Variants in LPCAT3 observed in about 807,000 individuals in gnomAD.
LPCAT3 encodes the protein lysophospholipid acyltransferase 5.
Under a neutral mutation model 63.4 loss-of-function variants are expected in LPCAT3, and 21 were observed. That is an observed-to-expected ratio of 0.33 (90% CI 0.23 to 0.48). LPCAT3 has a LOEUF of 0.48. Among genes scored for constraint, LPCAT3 ranks in the 20% least tolerant of loss-of-function variants. The pLI, the probability that LPCAT3 is intolerant of heterozygous loss-of-function variation, is 0.99. For missense variants in LPCAT3, 451 were observed against 590.6 expected (o/e 0.76, Z 2.45); for synonymous variants, 242 against 227.5 (o/e 1.06, Z -0.58).
At position 6,978,773 on chromosome 12, in the gene LPCAT3, C is replaced by G. The variant is rs1256032575; in HGVS notation, c.787-84G>C. The G allele has an allele frequency of 5.1e-6, 8 of 1,563,456 alleles. No individual in the cohort carries two copies. The African/African-American group carries it at 1.1e-4, about 21-fold the overall frequency. ...GCACTCTTCCTTTTCACACTTGTGGCTGGCTACTTCATACCTGCCTGAGTC... is the reference window on the plus strand; with the variant it reads ...GCACTCTTCCTTTTCACACTTGTGGGTGGCTACTTCATACCTGCCTGAGTC... On this transcript the variant is annotated intron_variant, in intron 7 of 12. Coordinates refer to ENST00000261407, the MANE Select transcript of LPCAT3 (RefSeq NM_005768.6).
intron 2 of LPCAT3, chr12:6,983,081 C>T (rs782100976): frequency 9.3e-6 from 5 of 537,452 alleles, no homozygotes; most frequent in South Asian, 8.3e-5. Context: ...TCCGGGCTAC[C>T]ACACCCAGCT....
chr12:6,978,947 C>T (rs782211224), intron 7 of LPCAT3: 9 of 458,024 alleles, frequency 2.0e-5, no homozygotes, highest in Middle Eastern at 5.7e-4. Flanking sequence ...TGTTTGCCTT[C>T]GTTGGCAAAG....
intron 1 of LPCAT3, among the ~76,000 whole-genome samples, chr12:7,000,764 T>C (rs1555156375): frequency 6.6e-6 from 1 of 151,612 alleles, no homozygotes. Context: ...TAGAGTGCAG[T>C]GGCGCGATCT....
intron 1 of LPCAT3, among the ~76,000 whole-genome samples, chr12:7,015,990 G>A (rs1234397643): frequency 6.6e-6 from 1 of 152,120 alleles, no homozygotes; most frequent in Non-Finnish European, 1.5e-5. Flanking sequence ...CCTAATTCCA[G>A]CCCTAACTCC....
At chr12:6,983,290 G>T in intron 2 of LPCAT3, 142 bp downstream of exon 2, 2 of 655,182 alleles carry the variant, frequency 3.1e-6, no homozygotes, top group Non-Finnish European at 5.5e-6. Flanking sequence ...GTTAAGCTGT[G>T]TTCCTCTTCA....
At chr12:7,014,143 T>C (rs1053335524) in intron 1 of LPCAT3, among the ~76,000 whole-genome samples, 1 of 152,248 alleles carries the variant, frequency 6.6e-6, no homozygotes, top group Admixed American at 6.5e-5. Context: ...CAAAGCTCTG[T>C]ACCTCTCTTA....
intron 1 of LPCAT3, among the ~76,000 whole-genome samples, chr12:6,990,188 A>G (rs1241942715): frequency 6.8e-6 from 1 of 146,794 alleles, no homozygotes; most frequent in Non-Finnish European, 1.5e-5. Flanking sequence ...ACCCTGTCTC[A>G]AAAATAAATA....
At chr12:7,005,897 C>T (rs1261786875) in intron 1 of LPCAT3, among the ~76,000 whole-genome samples, 4 of 152,118 alleles carry the variant, frequency 2.6e-5, no homozygotes, top group Non-Finnish European at 4.4e-5. Flanking sequence ...TCCTTTGGTG[C>T]ACAAAAGCTT....
chr12:6,981,138 AAC>A lies in LPCAT3; in HGVS notation c.541_542del (p.Val181SerfsTer37). 1 of 1,613,506 alleles carries A rather than the reference AAC, an allele frequency of 6.2e-7. No individual in the cohort carries two copies. Among genetic ancestry groups the A allele is most frequent in the Non-Finnish European group, 8.5e-7 (1 of 1,179,792 alleles). On this transcript the variant is annotated frameshift_variant, in exon 6 of 13. Transcript: ENST00000261407. LOFTEE classifies it high-confidence loss of function. ...SEQQKYAIRGVPSLLEVAGFS... is the reference protein window; with the variant it reads ...SEQQKYAIRGXPSLLEVAGFS... ...AACCAGCAACTTCCAGCAGGGAAGG[AAC>A]ACCACGTATGGCATATTTCTGTTGC...
intron 6 of LPCAT3, 163 bp from the exon 7 acceptor site, chr12:6,979,742 T>G (rs1555153835): frequency 1.6e-6 from 1 of 616,430 alleles, no homozygotes; most frequent in African/African-American, 1.8e-5. Flanking sequence ...AGGGAAAGAT[T>G]TCTATGGCTG....
intron 2 of LPCAT3, chr12:6,983,131 C>A: frequency 4.1e-6 from 2 of 491,104 alleles, no homozygotes; most frequent in Non-Finnish European, 7.5e-6. Context: ...AAGAATGAAT[C>A]TAAGTGGGGA....
Position 6,976,832 on chromosome 12 carries a change from G to A in LPCAT3, c.*72C>T, listed in dbSNP as rs1946409007. 2 of 242,922 alleles carry A rather than the reference G, an allele frequency of 8.2e-6. No individual in the cohort carries two copies. The highest frequency in any genetic ancestry group is 4.9e-5 in the Admixed American group (1 of 20,490). The allele number at this position is 242,922 out of a possible 1,614,324, so 15.0% of individuals were successfully genotyped here. ...TGGCTTTTCCATTCTCTGCTCTGGG[G>A]CAAAGGAGTGCTGTGAAAAGGGAGA... On this transcript the variant is annotated 3_prime_UTR_variant, in exon 13 of 13. Transcript: ENST00000261407.
Position 6,979,553 on chromosome 12 carries a change from C to T in LPCAT3, c.704G>A (p.Ser235Asn), listed in dbSNP as rs1555153795. Residue 235 changes from serine to asparagine, a missense_variant, in exon 7 of 13, where the codon AGT becomes AAT. Around this residue, in one of 3 missense-constraint regions of LPCAT3, gnomAD observed 304 missense variants for 390.8 expected, o/e 0.78. Coordinates refer to ENST00000261407, the MANE Select transcript of LPCAT3 (RefSeq NM_005768.6). ...GCCCACTAGGTAGAAAAGGCCCAGACTCAGGCGCTTGAGAGCAGGAATGAT... is the reference window on the plus strand; with the variant it reads ...GCCCACTAGGTAGAAAAGGCCCAGATTCAGGCGCTTGAGAGCAGGAATGAT... ...NSIIPALKRL[S>N]LGLFYLVGYT... The T allele has an allele frequency of 6.2e-7, 1 of 1,614,046 alleles. No homozygotes were observed. The highest frequency in any genetic ancestry group is 1.7e-5 in the Admixed American group (1 of 60,020).
At chr12:6,983,626 G>A (rs781975968) in intron 1 of LPCAT3, 87 bp from the exon 2 acceptor site, 2 of 783,562 alleles carry the variant, frequency 2.6e-6, no homozygotes, top group South Asian at 3.1e-5. Flanking sequence ...ATGAAACGCA[G>A]CCCAGAGGGA....
intron 1 of LPCAT3, among the ~76,000 whole-genome samples, chr12:7,002,019 G>C (rs1555156549): frequency 6.6e-6 from 1 of 152,086 alleles, no homozygotes; most frequent in Non-Finnish European, 1.5e-5. Context: ...CAACTGTTTC[G>C]GTCCAGGAGT....
intron 1 of LPCAT3, among the ~76,000 whole-genome samples, chr12:6,996,945 A>G (rs1034039004): frequency 6.6e-6 from 1 of 152,186 alleles, no homozygotes; most frequent in Non-Finnish European, 1.5e-5. Flanking sequence ...TCAAGGGAGG[A>G]AAAATATTGT....
intron 1 of LPCAT3, among the ~76,000 whole-genome samples, chr12:7,008,756 A>C (rs1214251792): frequency 6.6e-6 from 1 of 152,154 alleles, no homozygotes; most frequent in African/African-American, 2.4e-5. Context: ...CATCTCAAAA[A>C]AAAAACAAAA....
chr12:7,004,505 G>T (rs1946712968), intron 1 of LPCAT3, among the ~76,000 whole-genome samples: 2 of 152,182 alleles, frequency 1.3e-5, no homozygotes, highest in African/African-American at 4.8e-5. Context: ...GCTGGAATTT[G>T]AACCCAGACA....
At chr12:7,015,882 C>G (rs1292345484) in intron 1 of LPCAT3, among the ~76,000 whole-genome samples, 1 of 152,138 alleles carries the variant, frequency 6.6e-6, no homozygotes, top group Non-Finnish European at 1.5e-5. Flanking sequence ...TGACAGTACA[C>G]AGCAATAGCC....
Sources: allele counts gnomAD v4.1 joint callset (sites outside exome capture counted in the v4.1 genomes callset), GRCh38; gene constraint gnomAD v4.1.1; regional missense constraint gnomAD v4.1.1; transcripts MANE v1.5; gene names NCBI Gene and HGNC (gene_info 2026-07-23, HGNC 2026-07-21).